Variants in SCARA3 observed in about 807,000 individuals in gnomAD.
SCARA3 encodes cellular stress response gene protein.
In SCARA3, 39 loss-of-function variants were observed where a neutral mutation model predicts 47.0. That is an observed-to-expected ratio of 0.83 (90% CI 0.64 to 1.08). The LOEUF is 1.08. Ranked by LOEUF, SCARA3 falls within the 50% of genes least tolerant of loss-of-function variation. SCARA3 has a pLI of 0.00. For missense variants in SCARA3, 724 were observed against 792.3 expected (o/e 0.91, Z 1.04); for synonymous variants, 356 against 334.1 (o/e 1.07, Z -0.71).
chr8:27,718,232 C>T, the SCARA3 span, among the ~76,000 whole-genome samples: 1 of 152,256 alleles, frequency 6.6e-6, no homozygotes, highest in Non-Finnish European at 1.5e-5. Context: ...CCTCTGTGCT[C>T]GCAGAGCACT....
At chr8:27,729,063 T>G in the SCARA3 span, among the ~76,000 whole-genome samples, 1 of 152,112 alleles carries the variant, frequency 6.6e-6, no homozygotes. Context: ...AGACCCTGTC[T>G]CAAATATATA....
At chr8:27,720,012 C>T in the SCARA3 span, among the ~76,000 whole-genome samples, 1 of 152,116 alleles carries the variant, frequency 6.6e-6, no homozygotes, top group African/African-American at 2.4e-5. Context: ...GGAGAACTTC[C>T]TGAAGATGTT....
intron 1 of SCARA3, among the ~76,000 whole-genome samples, chr8:27,642,170 A>G (rs1188693037): frequency 6.6e-6 from 1 of 152,218 alleles, no homozygotes. Flanking sequence ...TTTCACAAAG[A>G]ATAATTTGGG....
At chr8:27,659,888 GAGA>G (rs1280832692) in intron 5 of SCARA3, among the ~76,000 whole-genome samples, 1 of 112,994 alleles carries the variant, frequency 8.9e-6, no homozygotes, top group African/African-American at 3.1e-5. Context: ...GAGAGAGAGA[GAGA>G]AAAGAAAAAA....
the SCARA3 span, among the ~76,000 whole-genome samples, chr8:27,717,370 T>C: frequency 6.6e-6 from 1 of 152,170 alleles, no homozygotes; most frequent in African/African-American, 2.4e-5. Flanking sequence ...AACAACATAA[T>C]ACAAGTGGTA....
At chr8:27,636,697 G>A (rs910214174) in intron 1 of SCARA3, among the ~76,000 whole-genome samples, 1 of 152,154 alleles carries the variant, frequency 6.6e-6, no homozygotes. Flanking sequence ...CCTGAGGGCG[G>A]CGCTGGTGTG....
rs1005620282 is a variant in SCARA3 at position 27,666,016 on chromosome 8, C to T, written c.1370-4884C>T. 4.6e-5 allele frequency among the ~76,000 whole-genome samples: 7 copies of T among 152,306 alleles called. No homozygotes were observed. In the East Asian group the frequency reaches 1.3e-3, roughly 29 times the overall value. ...TGCAAATGTGTTGTTCTATAAGCAC[C>T]ACCCTCCATCCTACTTCCACACTGA... On this transcript the variant is annotated intron_variant, in intron 5 of 5. Coordinates refer to ENST00000301904, the MANE Select transcript of SCARA3 (RefSeq NM_016240.3).
the SCARA3 span, among the ~76,000 whole-genome samples, chr8:27,721,221 T>C: frequency 6.6e-6 from 1 of 152,218 alleles, no homozygotes; most frequent in East Asian, 1.9e-4. Context: ...TTTACTCATA[T>C]TATGCATTAA....
chr8:27,658,337 A>G (rs1044134860), intron 4 of SCARA3, among the ~76,000 whole-genome samples, 159 bp from the exon 5 acceptor site: 4 of 152,214 alleles, frequency 2.6e-5, no homozygotes, highest in African/African-American at 9.6e-5. Flanking sequence ...TAGAGGTGGC[A>G]AGGCTTTTTC....
the SCARA3 span, among the ~76,000 whole-genome samples, chr8:27,708,202 G>T: frequency 6.6e-6 from 1 of 152,036 alleles, no homozygotes; most frequent in African/African-American, 2.4e-5. Context: ...GAGATCTTTA[G>T]GAAAAACATA....
intron 1 of SCARA3, among the ~76,000 whole-genome samples, chr8:27,644,492 A>C (rs1270559017): frequency 6.6e-6 from 1 of 152,162 alleles, no homozygotes; most frequent in Admixed American, 6.5e-5. Context: ...GTTTGTTCCC[A>C]GAGAGGAGTT....
the SCARA3 span, among the ~76,000 whole-genome samples, chr8:27,718,858 GA>G: frequency 1.3e-5 from 2 of 152,184 alleles, no homozygotes; most frequent in Non-Finnish European, 2.9e-5. Flanking sequence ...CAGAAACACA[GA>G]ATGTAATTCC....
chr8:27,638,581 G>A (rs573266327), intron 1 of SCARA3, among the ~76,000 whole-genome samples: 188 of 152,244 alleles, frequency 1.2e-3, no homozygotes, highest in African/African-American at 4.0e-3. Context: ...CCATGGTATC[G>A]TCAGAACCTC....
intron 2 of SCARA3, among the ~76,000 whole-genome samples, chr8:27,650,677 T>G (rs555560655): frequency 1.3e-5 from 2 of 152,338 alleles, no homozygotes; most frequent in Admixed American, 1.3e-4. Context: ...GGGCCATCAC[T>G]GCATTCCCAC....
Position 27,659,443 on chromosome 8 carries a change from G to C in SCARA3, c.1273G>C (p.Asp425His). The change falls in exon 5 of 6, where the codon GAC becomes CAC. Residue 425 changes from aspartate (D) to histidine (H), a missense_variant. Asp to His is a moderately conservative substitution (Grantham distance 81). Coordinates refer to ENST00000301904, the MANE Select transcript of SCARA3 (RefSeq NM_016240.3). ...CTTCAGCCTGCTCAGTGCCCGGCTG[G>C]ACCTCAACGTCCGGAACCTCTCCAT... ...ERFSLLSARL[D>H]LNVRNLSMIV... The C allele has an allele frequency of 1.2e-6, 2 of 1,613,916 alleles. No individual in the cohort carries two copies. The highest frequency in any genetic ancestry group is 1.7e-6 in the Non-Finnish European group (2 of 1,179,926).
At chr8:27,635,939 C>G (rs1372673941) in intron 1 of SCARA3, among the ~76,000 whole-genome samples, 1 of 152,200 alleles carries the variant, frequency 6.6e-6, no homozygotes, top group Non-Finnish European at 1.5e-5. Flanking sequence ...TAGAATCCAC[C>G]TTGCCTCTTT....
chr8:27,710,315 G>A, the SCARA3 span, among the ~76,000 whole-genome samples: 14 of 152,056 alleles, frequency 9.2e-5, no homozygotes, highest in African/African-American at 3.1e-4. Flanking sequence ...TTATAGTGTG[G>A]GGCCAAGAAA....
intron 5 of SCARA3, among the ~76,000 whole-genome samples, chr8:27,667,266 C>T (rs189852047): frequency 9.8e-5 from 15 of 152,338 alleles, no homozygotes; most frequent in Non-Finnish European, 1.8e-4. Flanking sequence ...CCTCTGCCCG[C>T]ATGACTCATG....
chr8:27,727,668 C>T, the SCARA3 span, among the ~76,000 whole-genome samples: 3 of 152,292 alleles, frequency 2.0e-5, no homozygotes, highest in South Asian at 6.2e-4. Context: ...CACAGACAAA[C>T]CTTGTTTGGC....
Sources: gnomAD v4.1 joint callset for allele counts (sites outside exome capture counted in the v4.1 genomes callset) on GRCh38, gnomAD v4.1.1 for gene constraint, MANE v1.5 for transcripts, NCBI Gene and HGNC (gene_info 2026-07-23, HGNC 2026-07-21) for gene names.